CRLF2: variants seen among roughly 807,000 people sequenced by gnomAD.
The protein encoded by CRLF2 is cytokine receptor like factor 2, also known as cytokine receptor-like factor 2.
In CRLF2, 41 loss-of-function variants were observed where a neutral mutation model predicts 38.7. The ratio of observed to expected loss-of-function variants is 1.06; its 90% CI spans 0.83 to 1.37. The LOEUF (loss-of-function observed/expected upper bound fraction) is 1.37, where lower values mean the gene tolerates loss of function less well. CRLF2 is among the 40% of genes most tolerant of loss of function. CRLF2 has a pLI of 0.00. For missense variants in CRLF2, 377 were observed against 322.2 expected (o/e 1.17, Z -1.30); for synonymous variants, 140 against 128.8 (o/e 1.09, Z -0.59).
rs761817816 is a variant in CRLF2 at position 1,208,818 on chromosome X, G to A, written c.170C>T (p.Thr57Ile). The change falls in exon 2 of 8, where the codon ACT becomes ATT. Residue 57 changes from threonine to isoleucine, a missense_variant. Transcript: ENST00000400841. ...NASKYSRTNLTFHYRFNGDEA... is the reference protein window; with the variant it reads ...NASKYSRTNLIFHYRFNGDEA... ...GGGGGCCACTTACCTGTAGTGGAAA[G>A]TCAGGTTGGTCCTGGAGTATTTGCT... 1 of 1,606,890 alleles carries A rather than the reference G, an allele frequency of 6.2e-7. No homozygotes were observed. Among genetic ancestry groups the A allele is most frequent in the Admixed American group, 1.7e-5 (1 of 60,002 alleles).
At chrX:1,196,042 G>A (rs1213054075) in intron 6 of CRLF2, among the ~76,000 whole-genome samples, 23,874 of 140,200 alleles carry the variant, frequency 0.17, 2,162 homozygotes, top group Middle Eastern at 0.32. Context: ...TTATACACCC[G>A]GCTAATTTTT....
At chrX:1,191,305 C>CTTTCTTTCTTTCTTTCTT in intron 7 of CRLF2, 145 bp from the exon 8 acceptor site, 2 of 353,726 alleles carry the variant, frequency 5.7e-6, no homozygotes, top group East Asian at 3.9e-5. Flanking sequence ...CTCTTTCTTT[C>CTTTCTTTCTTTCTTTCTT]TTTCTTTCTT....
rs1452763342 is a variant in CRLF2 at position 1,196,673 on chromosome X, C to G, written c.767+107G>C. 8 of 1,402,876 alleles carry G rather than the reference C, an allele frequency of 5.7e-6. No homozygotes were observed. The African/African-American group carries it at 1.0e-4, about 18-fold the overall frequency. The allele number at this position is 1,402,876 out of a possible 1,614,324, so 86.9% of individuals were successfully genotyped here. On this transcript the variant is annotated intron_variant, in intron 6 of 7. Transcript: ENST00000400841. ...CAGAAGAGTGGGCATTGTATGGAAA[C>G]TGAGGCCCAGGGAAATGACTCTATC...
chrX:1,192,730 TTCTTTCTTTCTTTCTTTC>T (rs2147819829), intron 7 of CRLF2, among the ~76,000 whole-genome samples: 1 of 120,102 alleles, frequency 8.3e-6, no homozygotes, highest in African/African-American at 3.0e-5. Context: ...CTTTCTTTCT[TTCTTTCTTTCTTTCTTTC>T]TTTCTTTCTT....
chrX:1,192,740 CTTTCTTTCTTTCTTTCTT>C (rs2086413260), intron 7 of CRLF2, among the ~76,000 whole-genome samples: 2 of 113,002 alleles, frequency 1.8e-5, no homozygotes, highest in African/African-American at 6.8e-5. Flanking sequence ...TTCTTTCTTT[CTTTCTTTCTTTCTTTCTT>C]TCTTTCTTTC....
chrX:1,211,473 A>G (rs1201786376), intron 1 of CRLF2, among the ~76,000 whole-genome samples: 10 of 75,820 alleles, frequency 1.3e-4, no homozygotes, highest in African/African-American at 4.3e-4. Flanking sequence ...GGATGGGTGG[A>G]TGGATGGATG....
chrX:1,191,931 C>T (rs1429268093), intron 7 of CRLF2, among the ~76,000 whole-genome samples: 11 of 151,858 alleles, frequency 7.2e-5, no homozygotes, highest in Admixed American at 2.0e-4. Flanking sequence ...GCCAGCCGGC[C>T]GCAGTGGCTT....
At chrX:1,192,883 A>C (rs1467766544) in intron 7 of CRLF2, among the ~76,000 whole-genome samples, 25 of 146,982 alleles carry the variant, frequency 1.7e-4, no homozygotes, top group African/African-American at 6.3e-4. Context: ...GTACAATCTC[A>C]GCTCACTGCA....
Position 1,212,581 on chromosome X carries a change from C to G in CRLF2, c.54G>C (p.Trp18Cys), listed in dbSNP as rs374312439. 1.2e-6 allele frequency: 2 copies of G among 1,612,642 alleles called. No individual in the cohort carries two copies. The highest frequency in any genetic ancestry group is 1.3e-5 in the African/African-American group (1 of 74,670). The change falls in exon 1 of 8, where the codon TGG (tryptophan) becomes TGC (cysteine). Residue 18 changes from tryptophan (W) to cysteine (C), a missense_variant. Coordinates refer to ENST00000400841, the MANE Select transcript of CRLF2 (RefSeq NM_022148.4). ...CTGCTCCTCCTTGCCCCAAAGCCATCCAGCCTCCCAGCAGAAAGACGGCAG... is the reference window on the plus strand; with the variant it reads ...CTGCTCCTCCTTGCCCCAAAGCCATGCAGCCTCCCAGCAGAAAGACGGCAG... ...WGAAVFLLGGWMALGQGGAAE... is the reference protein window; with the variant it reads ...WGAAVFLLGGCMALGQGGAAE...
intron 4 of CRLF2, among the ~76,000 whole-genome samples, chrX:1,201,384 G>A (rs111640895): frequency 0.51 from 77,238 of 150,802 alleles, 20,186 homozygotes; most frequent in East Asian, 0.69. Context: ...AGAGATACAG[G>A]TAGAGATAGG....
intron 2 of CRLF2, among the ~76,000 whole-genome samples, chrX:1,207,253 T>C (rs1250637098): frequency 5.4e-5 from 8 of 148,918 alleles, no homozygotes; most frequent in African/African-American, 2.0e-4. Context: ...GCCGTTTTTT[T>C]ATTTGTTCGT....
At chrX:1,209,627 G>A (rs1305750066) in intron 1 of CRLF2, among the ~76,000 whole-genome samples, 9 of 152,066 alleles carry the variant, frequency 5.9e-5, no homozygotes, top group Admixed American at 3.3e-4. Flanking sequence ...CACCGCGCCC[G>A]GCTGCTTTTG....
intron 2 of CRLF2, among the ~76,000 whole-genome samples, chrX:1,207,451 T>C (rs1357631167): frequency 6.8e-6 from 1 of 147,292 alleles, no homozygotes; most frequent in African/African-American, 2.5e-5. Flanking sequence ...AGAGACGAGG[T>C]TTCACCATGT....
chrX:1,200,002 T>G (rs184054259), intron 4 of CRLF2, among the ~76,000 whole-genome samples: 3 of 151,586 alleles, frequency 2.0e-5, no homozygotes, highest in African/African-American at 7.3e-5. Context: ...TATATATGTG[T>G]ATATAAGCTG....
At chrX:1,191,699 T>C in intron 7 of CRLF2, among the ~76,000 whole-genome samples, 1 of 151,626 alleles carries the variant, frequency 6.6e-6, no homozygotes, top group South Asian at 2.1e-4. Context: ...ACACGGCTAA[T>C]TTTGTATTTT....
intron 6 of CRLF2, among the ~76,000 whole-genome samples, chrX:1,194,683 G>C (rs2086447543): frequency 1.3e-5 from 2 of 152,054 alleles, no homozygotes; most frequent in Admixed American, 6.6e-5. Context: ...GGTGATGATA[G>C]TAAAATGAGG....
Position 1,198,736 on chromosome X carries a change from TACACACACACACACACAC to T in CRLF2, c.484-30_484-13del, listed in dbSNP as rs371174830. ...TTTTCCTGTTTGGACTGGAGAAACA[TACACACACACACACACAC>T]ACACACACACACACACACACACACA... On this transcript the variant is annotated splice_polypyrimidine_tract_variant and intron_variant, in intron 4 of 7. Transcript: ENST00000400841. The T allele has an allele frequency of 8.3e-5, 69 of 828,328 alleles. No homozygotes were observed. The highest frequency in any genetic ancestry group is 2.0e-4 in the South Asian group (12 of 60,152). The allele number at this position is 828,328 out of a possible 1,614,324, so 51.3% of individuals were successfully genotyped here. A position where few individuals can be genotyped will look rare whatever the true frequency, so the allele number is the denominator to read the frequency against.
At chrX:1,200,196 T>C (rs1445203892) in intron 4 of CRLF2, among the ~76,000 whole-genome samples, 3 of 151,568 alleles carry the variant, frequency 2.0e-5, no homozygotes, top group African/African-American at 7.3e-5. Flanking sequence ...GCTGTGTATA[T>C]GTGTGTATGT....
At chrX:1,210,111 A>AAAAAGAAAAGAAAAGAAAAGAAAAG (rs775032742) in intron 1 of CRLF2, among the ~76,000 whole-genome samples, 24 of 107,854 alleles carry the variant, frequency 2.2e-4, no homozygotes, top group African/African-American at 8.3e-4. Context: ...ATCAAAAAAA[A>AAAAAGAAAAGAAAAGAAAAGAAAAG]AAAAGAAAAG....
Sources: allele counts gnomAD v4.1 joint callset (sites outside exome capture counted in the v4.1 genomes callset), GRCh38; gene constraint gnomAD v4.1.1; transcripts MANE v1.5; gene names NCBI Gene and HGNC (gene_info 2026-07-23, HGNC 2026-07-21).